CDH7: variants seen among roughly 807,000 people sequenced by gnomAD.
CDH7 encodes the protein cadherin 7.
Under a neutral mutation model 71.8 loss-of-function variants are expected in CDH7, and 25 were observed. The observed-to-expected ratio is 0.35, with a 90% CI of 0.25 to 0.49. CDH7 has a LOEUF of 0.49. Among genes scored for constraint, CDH7 ranks in the 20% least tolerant of loss-of-function variants. The probability of loss-of-function intolerance (pLI) is 0.99; values close to 1 mark genes in which losing one functional copy is unlikely to be tolerated. For synonymous variants in CDH7, 381 were observed against 363.8 expected, an observed-to-expected ratio of 1.05 and a Z score of -0.54; for missense variants, 862 against 974.6, an observed-to-expected ratio of 0.88 and a Z score of 1.54.
At chr18:65,828,643 T>A (rs1198030217) in intron 6 of CDH7, among the ~76,000 whole-genome samples, 1 of 152,196 alleles carries the variant, frequency 6.6e-6, no homozygotes, top group African/African-American at 2.4e-5. Flanking sequence ...TCCAAAGTTA[T>A]ACACAGATTT....
chr18:65,782,028 CCCTT>C (rs200389546), intron 2 of CDH7, among the ~76,000 whole-genome samples: 766 of 33,520 alleles, frequency 0.023, 107 homozygotes, highest in Non-Finnish European at 0.028. Context: ...CTCTCTTTCT[CCCTT>C]CCTTCCTTCC....
Position 65,882,915 on chromosome 18 carries a change from C to CTTG in CDH7, c.*2026_*2028dup, listed in dbSNP as rs959871647. On this transcript the variant is annotated 3_prime_UTR_variant, in exon 12 of 12. Transcript: ENST00000397968. ...TGAGAAAACAGTTTGTAATAATCCC[C>CTTG]TTGTTGTCTGCAAGAAGATGAAATA... 6.6e-6 allele frequency: 1 copy of CTTG among 152,048 alleles called. No individual in the cohort carries two copies. The highest frequency in any genetic ancestry group is 2.1e-4 in the South Asian group (1 of 4,826). 9.4% of individuals were successfully genotyped at this position (152,048 alleles called of 1,614,324 possible).
intron 11 of CDH7, among the ~76,000 whole-genome samples, chr18:65,865,100 T>C (rs925298655): frequency 1.1e-4 from 16 of 152,210 alleles, no homozygotes; most frequent in African/African-American, 3.9e-4. Context: ...ATGAATTGTT[T>C]TTTGATTATT....
At chr18:65,830,170 A>G (rs1366669520) in intron 6 of CDH7, among the ~76,000 whole-genome samples, 1 of 152,180 alleles carries the variant, frequency 6.6e-6, no homozygotes, top group Admixed American at 6.5e-5. Flanking sequence ...TTGGAGGATA[A>G]TGAGGAAGGG....
intron 11 of CDH7, among the ~76,000 whole-genome samples, chr18:65,877,831 A>T (rs1329391451): frequency 6.6e-6 from 1 of 152,230 alleles, no homozygotes; most frequent in Non-Finnish European, 1.5e-5. Context: ...AATATAAAAT[A>T]ATTGTTTATT....
At chr18:65,863,314 AG>A (rs1913645573) in intron 11 of CDH7, 1 of 207,808 alleles carries the variant, frequency 4.8e-6, no homozygotes, top group Non-Finnish European at 9.9e-6. Flanking sequence ...CTGGGATTAC[AG>A]GAGTGAGCCA....
chr18:65,826,918 T>TA (rs34249001), intron 6 of CDH7, among the ~76,000 whole-genome samples: 35,155 of 151,252 alleles, frequency 0.23, 4,265 homozygotes, highest in Non-Finnish European at 0.27. Flanking sequence ...TTGAAGGTAT[T>TA]AAAAAACGTA....
intron 2 of CDH7, among the ~76,000 whole-genome samples, chr18:65,796,261 AT>A (rs1910909184): frequency 6.6e-6 from 1 of 152,116 alleles, no homozygotes; most frequent in Admixed American, 6.5e-5. Context: ...AAATAACCCA[AT>A]GTCCTTTTTT....
chr18:65,878,256 C>G (rs1914126968), intron 11 of CDH7, among the ~76,000 whole-genome samples: 1 of 152,184 alleles, frequency 6.6e-6, no homozygotes, highest in Non-Finnish European at 1.5e-5. Flanking sequence ...ACAAACTGCT[C>G]TGTTGCATAC....
At chr18:65,869,652 G>A (rs1236952791) in intron 11 of CDH7, among the ~76,000 whole-genome samples, 1 of 142,750 alleles carries the variant, frequency 7.0e-6, no homozygotes, top group African/African-American at 2.6e-5. Flanking sequence ...GCATCTAGCA[G>A]TCTTTGAGCA....
chr18:65,830,533 T>TTCCTCCCTTCCTTC (rs1568208928), intron 6 of CDH7, among the ~76,000 whole-genome samples: 3 of 150,418 alleles, frequency 2.0e-5, no homozygotes, highest in African/African-American at 7.3e-5. Context: ...TTCCTTCCTT[T>TTCCTCCCTTCCTTC]CTTCCTCCCT....
chr18:65,844,930 T>G (rs967191448), intron 7 of CDH7, among the ~76,000 whole-genome samples: 2 of 151,046 alleles, frequency 1.3e-5, no homozygotes, highest in African/African-American at 4.8e-5. Flanking sequence ...AAAACAACAA[T>G]GATTGTTTTA....
intron 10 of CDH7, 135 bp downstream of exon 10, chr18:65,859,960 G>T: frequency 1.8e-6 from 1 of 568,016 alleles, no homozygotes; most frequent in African/African-American, 1.9e-5. Flanking sequence ...AGCACCTCAA[G>T]TAATTTTTAT....
chr18:65,752,308 A>G (rs1307714455), intron 1 of CDH7, among the ~76,000 whole-genome samples: 1 of 152,262 alleles, frequency 6.6e-6, no homozygotes, highest in African/African-American at 2.4e-5. Flanking sequence ...AAAAGCAGAT[A>G]ACACCTCACA....
chr18:65,792,695 A>G (rs573663584), intron 2 of CDH7, among the ~76,000 whole-genome samples: 3 of 152,074 alleles, frequency 2.0e-5, no homozygotes, highest in African/African-American at 7.2e-5. Flanking sequence ...AAAAATCAAA[A>G]CACTCTTCAC....
intron 5 of CDH7, among the ~76,000 whole-genome samples, chr18:65,822,672 A>G (rs1369718491): frequency 6.6e-6 from 1 of 152,054 alleles, no homozygotes; most frequent in East Asian, 1.9e-4. Flanking sequence ...AAATTAAAAA[A>G]GAGTAATAAA....
rs569702559 is a variant in CDH7 at position 65,762,804 on chromosome 18, G to A, written c.-39G>A. On this transcript the variant is annotated 5_prime_UTR_variant, in exon 2 of 12. Coordinates refer to ENST00000397968, the MANE Select transcript of CDH7 (RefSeq NM_004361.5). ...GAACTGTGCCTTTTCTCTTGTCAAG[G>A]TTTTTTTCTTACACAGGAAAAAGAA... 7.6e-6 allele frequency: 12 copies of A among 1,573,092 alleles called. No individual in the cohort carries two copies. The African/African-American group carries it at 1.5e-4, about 20-fold the overall frequency.
At chr18:65,820,001 T>G (rs1013494264) in intron 4 of CDH7, among the ~76,000 whole-genome samples, 12 of 104,514 alleles carry the variant, frequency 1.1e-4, no homozygotes, top group Middle Eastern at 5.4e-3. Context: ...TACCAAATTT[T>G]TAAGAAGATT....
intron 7 of CDH7, among the ~76,000 whole-genome samples, chr18:65,854,328 G>A (rs1319632081): frequency 2.0e-5 from 3 of 151,398 alleles, no homozygotes; most frequent in Admixed American, 6.6e-5. Flanking sequence ...ATCTACAAGG[G>A]GAAGCTGCAG....
Sources: allele counts gnomAD v4.1 joint callset (sites outside exome capture counted in the v4.1 genomes callset), GRCh38; gene constraint gnomAD v4.1.1; transcripts MANE v1.5; gene names NCBI Gene and HGNC (gene_info 2026-07-23, HGNC 2026-07-21).